Variants in FAM222B observed in about 807,000 individuals in gnomAD.
The protein encoded by FAM222B is family with sequence similarity 222 member B.
A neutral mutation model predicts 38.0 loss-of-function variants in FAM222B; 12 were observed. That is an observed-to-expected ratio of 0.32 (90% CI 0.20 to 0.51). FAM222B has a LOEUF of 0.51. FAM222B is among the 20% of genes least tolerant of loss of function. The probability of loss-of-function intolerance (pLI) is 0.97; values close to 1 mark genes in which losing one functional copy is unlikely to be tolerated. For synonymous variants in FAM222B, 329 were observed against 317.2 expected, an observed-to-expected ratio of 1.04 and a Z score of -0.40; for missense variants, 716 against 754.2, an observed-to-expected ratio of 0.95 and a Z score of 0.59.
At chr17:28,783,536 A>G (rs7220180) in intron 1 of FAM222B, among the ~76,000 whole-genome samples, 150,383 of 150,426 alleles carry the variant, frequency 1, 75,170 homozygotes, top group Middle Eastern at 1. Context: ...TTTTTTAAAC[A>G]AAGTCTCGCT....
rs1597984643 is a variant in FAM222B at position 28,808,984 on chromosome 17, G to C, written c.-41+33698C>G. Reference sequence around the variant, plus strand: ...TTTTATACTTCTGATGTGAACAGGGGATTAGTCTCGAGTCTCCCTTTAGAG... The same window carrying C: ...TTTTATACTTCTGATGTGAACAGGGCATTAGTCTCGAGTCTCCCTTTAGAG... On this transcript the variant is annotated intron_variant, in intron 1 of 2. Coordinates refer to ENST00000581407, the MANE Select transcript of FAM222B (RefSeq NM_001077498.3). Among the ~76,000 whole-genome samples the C allele has an allele frequency of 2.0e-5, 3 of 152,086 alleles. No homozygotes were observed. The East Asian group carries it at 5.8e-4, about 29-fold the overall frequency.
intron 2 of FAM222B, among the ~76,000 whole-genome samples, chr17:28,765,852 T>G (rs2035304644): frequency 6.6e-6 from 1 of 152,150 alleles, no homozygotes; most frequent in Non-Finnish European, 1.5e-5. Flanking sequence ...CTCCCTGACT[T>G]CCTGTGAACT....
intron 1 of FAM222B, chr17:28,834,649 A>G (rs2038776198): frequency 6.6e-6 from 1 of 152,128 alleles, no homozygotes; most frequent in African/African-American, 2.4e-5. Context: ...CATAGCACTT[A>G]GTACAGATCT....
chr17:28,782,215 G>A (rs1034271554), intron 1 of FAM222B, among the ~76,000 whole-genome samples: 1 of 152,090 alleles, frequency 6.6e-6, no homozygotes, highest in Non-Finnish European at 1.5e-5. Flanking sequence ...CCAGCTGCTC[G>A]GGAGGCTAAG....
intron 1 of FAM222B, among the ~76,000 whole-genome samples, chr17:28,812,816 C>A (rs9902953): frequency 0.19 from 28,801 of 150,622 alleles, 2,863 homozygotes; most frequent in South Asian, 0.29. Context: ...CCACGCGATA[C>A]CTCCCAGAGT....
At position 28,771,013 on chromosome 17, in the gene FAM222B, C is replaced by CT. The variant is rs56281104; in HGVS notation, c.-40-4307dup. Among the ~76,000 whole-genome samples the CT allele has an allele frequency of 1.9e-3, 255 of 137,686 alleles. 2 individuals are homozygous for CT. The highest frequency in any genetic ancestry group is 6.6e-3 in the South Asian group (29 of 4,370). 90.3% of individuals were successfully genotyped at this position (137,686 alleles called of 152,430 possible). A position where few individuals can be genotyped will look rare whatever the true frequency, so the allele number is the denominator to read the frequency against. ...GTGTGTGTATATATATATATTTTTT[C>CT]TTTTTTTTTTTTTAAAGGAGAGGGT... is the stretch of plus-strand genomic sequence containing the variant. On this transcript the variant is annotated intron_variant, in intron 1 of 2. Coordinates refer to ENST00000581407, the MANE Select transcript of FAM222B (RefSeq NM_001077498.3).
intron 1 of FAM222B, among the ~76,000 whole-genome samples, chr17:28,796,932 T>C (rs1157272416): frequency 6.8e-6 from 1 of 147,384 alleles, no homozygotes; most frequent in East Asian, 2.0e-4. Context: ...CTATTTAGAA[T>C]AAATCTTCTT....
chr17:28,833,443 C>A (rs1295292283), intron 1 of FAM222B, among the ~76,000 whole-genome samples: 1 of 151,068 alleles, frequency 6.6e-6, no homozygotes, highest in Admixed American at 6.6e-5. Context: ...ATGGTGAAAC[C>A]CCGTCTCTAC....
At chr17:28,795,023 G>A (rs1021276303) in intron 1 of FAM222B, among the ~76,000 whole-genome samples, 2 of 151,602 alleles carry the variant, frequency 1.3e-5, no homozygotes, top group Non-Finnish European at 2.9e-5. Flanking sequence ...AACCAGGGAG[G>A]CCAAGGTTGC....
intron 1 of FAM222B, among the ~76,000 whole-genome samples, chr17:28,829,275 C>G (rs904575293): frequency 6.6e-6 from 1 of 150,532 alleles, no homozygotes; most frequent in Non-Finnish European, 1.5e-5. Context: ...AGTGCAATGG[C>G]GCCATCTTGG....
chr17:28,854,970 C>G lies in FAM222B; in HGVS notation c.-61G>C. On this transcript the variant is annotated 5_prime_UTR_variant, in exon 1 of 3. Transcript: ENST00000577513. ...CCTACCTCTCTCCTACTCGCTGGTT[C>G]GTCAGCCGCTCTGTTCAATCGTAGG... The G allele has an allele frequency of 2.7e-6, 4 of 1,500,882 alleles. No individual in the cohort carries two copies. The South Asian group carries it at 5.4e-5, about 20-fold the overall frequency. The allele number at this position is 1,500,882 out of a possible 1,614,324, so 93.0% of individuals were successfully genotyped here.
intron 1 of FAM222B, among the ~76,000 whole-genome samples, chr17:28,778,681 G>T (rs7210610): frequency 0.56 from 41,683 of 74,016 alleles, 11,771 homozygotes; most frequent in African/African-American, 0.59. Context: ...TTTTTTTTTT[G>T]TGTGTGTGTG....
intron 1 of FAM222B, among the ~76,000 whole-genome samples, chr17:28,793,989 T>C (rs2036822277): frequency 2.6e-5 from 4 of 152,256 alleles, no homozygotes; most frequent in South Asian, 4.1e-4. Context: ...CCTCAGGTAA[T>C]CTGCCTGCCT....
intron 1 of FAM222B, among the ~76,000 whole-genome samples, chr17:28,850,481 G>A (rs2039173568): frequency 6.6e-6 from 1 of 151,878 alleles, no homozygotes; most frequent in South Asian, 2.1e-4. Flanking sequence ...TGTATTTTTA[G>A]TAGAGACAGA....
intron 1 of FAM222B, among the ~76,000 whole-genome samples, chr17:28,853,377 T>C (rs1223375634): frequency 6.6e-6 from 1 of 150,958 alleles, no homozygotes; most frequent in Non-Finnish European, 1.5e-5. Flanking sequence ...AAAATAAAAA[T>C]AAAAGAAAGA....
At chr17:28,790,021 C>G (rs1344637116) in intron 1 of FAM222B, among the ~76,000 whole-genome samples, 1 of 152,040 alleles carries the variant, frequency 6.6e-6, no homozygotes, top group Non-Finnish European at 1.5e-5. Context: ...TATCTGTCAA[C>G]CTATTGAAAT....
In FAM222B at chr17:28,758,290, G is replaced by C. The variant is rs531137393; in HGVS notation, c.1669C>G (p.Gln557Glu). 343 of 1,594,254 alleles carry C rather than the reference G, an allele frequency of 2.2e-4. 1 individual carries two copies. In the South Asian group the frequency reaches 3.7e-3, roughly 17 times the overall value. Reference protein sequence around the residue: ...DPTESRSLHIQHPGYR With the variant: ...DPTESRSLHIEHPGYR ...GCTACCTATCTATACCCTGGGTGCT[G>C]AATATGAAGACTTCGACTCTCTGTG... Residue 557 changes from glutamine to glutamate, a missense_variant, in exon 3 of 3, where the codon CAG becomes GAG. Physicochemically the swap from Gln to Glu is conservative, Grantham distance 29. Coordinates refer to ENST00000581407, the MANE Select transcript of FAM222B (RefSeq NM_001077498.3).
At chr17:28,805,195 A>G (rs148894805) in intron 1 of FAM222B, among the ~76,000 whole-genome samples, 346 of 152,208 alleles carry the variant, frequency 2.3e-3, no homozygotes, top group African/African-American at 7.9e-3. Flanking sequence ...CCGTCTCTAT[A>G]AAAAATGAAA....
chr17:28,832,482 A>G (rs1196058958), intron 1 of FAM222B, among the ~76,000 whole-genome samples: 2 of 152,204 alleles, frequency 1.3e-5, no homozygotes, highest in Admixed American at 6.6e-5. Context: ...TCTGCTGCCA[A>G]TGATCTTCCT....
Sources: gnomAD v4.1 joint callset for allele counts (sites outside exome capture counted in the v4.1 genomes callset) on GRCh38, gnomAD v4.1.1 for gene constraint, MANE v1.5 for transcripts, NCBI Gene and HGNC (gene_info 2026-07-23, HGNC 2026-07-21) for gene names.